Variants in ANKRD17 observed in about 807,000 individuals in gnomAD.
ANKRD17 encodes ankyrin repeat domain-containing protein 17.
In ANKRD17, 19 loss-of-function variants were observed where a neutral mutation model predicts 229.7. That is an observed-to-expected ratio of 0.08 (90% CI 0.06 to 0.12). The LOEUF is 0.12. ANKRD17 is among the 10% of genes least tolerant of loss of function. The pLI, the probability that ANKRD17 is intolerant of heterozygous loss-of-function variation, is 1.00. For missense variants in ANKRD17, 2,176 were observed against 3,176.8 expected, an observed-to-expected ratio of 0.68 and a Z score of 7.57; for synonymous variants, 1,112 against 1,146.1, an observed-to-expected ratio of 0.97 and a Z score of 0.60.
intron 25 of ANKRD17, among the ~76,000 whole-genome samples, chr4:73,099,569 C>T (rs1458923836): frequency 6.6e-6 from 1 of 152,188 alleles, no homozygotes; most frequent in Non-Finnish European, 1.5e-5. Context: ...GGGAGGATTC[C>T]CCTGGCCTTA....
intron 2 of ANKRD17, among the ~76,000 whole-genome samples, chr4:73,173,614 C>G (rs923912831): frequency 6.6e-5 from 10 of 152,196 alleles, no homozygotes; most frequent in African/African-American, 2.4e-4. Flanking sequence ...TTCTGCAAGA[C>G]AGTCAAATAA....
rs1578200747 is a variant in ANKRD17 at position 73,151,419 on chromosome 4, A to C, written c.1329+11T>G. The C allele has an allele frequency of 6.2e-7, 1 of 1,610,458 alleles. No homozygotes were observed. The highest frequency in any genetic ancestry group is 1.1e-5 in the South Asian group (1 of 90,386). ...TATATAAACATATTTGACATATTTCACCAATCTTACCATGCAAGCCTCCAT... is the reference window on the plus strand; with the variant it reads ...TATATAAACATATTTGACATATTTCCCCAATCTTACCATGCAAGCCTCCAT... On this transcript the variant is annotated intron_variant, in intron 7 of 33. Transcript: ENST00000358602.
At chr4:73,251,607 T>A (rs535670596) in intron 1 of ANKRD17, among the ~76,000 whole-genome samples, 1 of 148,214 alleles carries the variant, frequency 6.7e-6, no homozygotes, top group Admixed American at 6.7e-5. Flanking sequence ...CTCCTACTGG[T>A]CCTAACAAAA....
intron 1 of ANKRD17, among the ~76,000 whole-genome samples, chr4:73,200,210 T>C (rs544788375): frequency 7.9e-5 from 12 of 152,302 alleles, no homozygotes; most frequent in African/African-American, 2.4e-4. Context: ...AAATAAATCT[T>C]TACTCTCTTG....
At chr4:73,152,539 C>T (rs1578203559) in intron 6 of ANKRD17, among the ~76,000 whole-genome samples, 1 of 152,080 alleles carries the variant, frequency 6.6e-6, no homozygotes, top group African/African-American at 2.4e-5. Context: ...ATGTTCTCCA[C>T]CAGCTCAGTT....
chr4:73,102,256 C>A, intron 25 of ANKRD17, 120 bp downstream of exon 25: 1 of 1,044,804 alleles, frequency 9.6e-7, no homozygotes, highest in Non-Finnish European at 1.3e-6. Context: ...AGCCACTGTG[C>A]CTGGCCTATG....
intron 26 of ANKRD17, 23 bp downstream of exon 26, chr4:73,098,050 T>C (rs1560512654): frequency 6.4e-7 from 1 of 1,559,630 alleles, no homozygotes; most frequent in South Asian, 1.2e-5. Context: ...CTATAAATAT[T>C]GAAAATAAAA....
intron 2 of ANKRD17, among the ~76,000 whole-genome samples, chr4:73,176,766 C>T (rs758020925): frequency 1.8e-4 from 27 of 152,262 alleles, no homozygotes; most frequent in African/African-American, 5.3e-4. Flanking sequence ...ATGGATAGCC[C>T]ATTTACCCTG....
intron 21 of ANKRD17, among the ~76,000 whole-genome samples, chr4:73,119,179 C>A (rs1451092197): frequency 6.6e-6 from 1 of 152,032 alleles, no homozygotes; most frequent in African/African-American, 2.4e-5. Flanking sequence ...TGTCACCACA[C>A]CTAGCCTAGC....
chr4:73,251,783 G>C (rs1460071072), intron 1 of ANKRD17, among the ~76,000 whole-genome samples: 1 of 152,060 alleles, frequency 6.6e-6, no homozygotes, highest in African/African-American at 2.4e-5. Flanking sequence ...TGTCATAAAT[G>C]CAACTGCACT....
chr4:73,091,256 C>T lies in ANKRD17; in HGVS notation c.6372G>A (p.Gln2124=), dbSNP rs1383518217. ...SVSQEPRPPL[Q]QSQVPPPEVR... Reference sequence around the variant, plus strand: ...CTTCCGGGGGAGGAACCTGAGACTGCTGAAGAGGTGGTCTTGGTTCCTGAG... The same window carrying T: ...CTTCCGGGGGAGGAACCTGAGACTGTTGAAGAGGTGGTCTTGGTTCCTGAG... Residue 2124 remains glutamine (Q), a synonymous_variant, in exon 29 of 34, where the codon CAG becomes CAA. Coordinates refer to ENST00000358602, the MANE Select transcript of ANKRD17 (RefSeq NM_032217.5). The T allele has an allele frequency of 1.9e-6, 3 of 1,614,050 alleles. No homozygotes were observed. Among genetic ancestry groups the T allele is most frequent in the African/African-American group, 2.7e-5 (2 of 74,908 alleles).
intron 18 of ANKRD17, among the ~76,000 whole-genome samples, chr4:73,122,505 C>A (rs1056480062): frequency 3.9e-5 from 6 of 152,106 alleles, no homozygotes; most frequent in African/African-American, 1.4e-4. Context: ...TACTGATGGG[C>A]CATTCACAGA....
rs768020778 is a variant in ANKRD17, at chr4:73,141,746, T to C, written c.2327A>G (p.Asn776Ser). 7.4e-6 allele frequency: 12 copies of C among 1,613,282 alleles called. No homozygotes were observed. Among genetic ancestry groups the C allele is most frequent in the Middle Eastern group, 3.3e-4 (2 of 6,060 alleles). ...ANVATTLPIR[N>S]KAASKQKSSS... ...TCTTTAGAAGTATAACTGACCTTTA[T>C]TCCTGATGGGAAGAGTGGTGGCAAC... is the stretch of plus-strand genomic sequence containing the variant. Residue 776 changes from asparagine (N) to serine (S), a missense_variant, in exon 14 of 34, where the codon AAT (asparagine) becomes AGT (serine). Coordinates refer to ENST00000358602, the MANE Select transcript of ANKRD17 (RefSeq NM_032217.5).
chr4:73,109,679 T>G (rs1004324080), intron 24 of ANKRD17, among the ~76,000 whole-genome samples: 2 of 152,162 alleles, frequency 1.3e-5, no homozygotes, highest in African/African-American at 4.8e-5. Flanking sequence ...TAGGGAAATC[T>G]AGTAAAGCTA....
intron 1 of ANKRD17, among the ~76,000 whole-genome samples, chr4:73,240,644 A>C (rs994385227): frequency 6.6e-6 from 1 of 151,988 alleles, no homozygotes; most frequent in Non-Finnish European, 1.5e-5. Flanking sequence ...TAGAATTTAA[A>C]AAAACACATA....
At chr4:73,079,461 T>C (rs982631140) in intron 30 of ANKRD17, among the ~76,000 whole-genome samples, 2 of 152,106 alleles carry the variant, frequency 1.3e-5, no homozygotes, top group African/African-American at 4.8e-5. Context: ...GGCTCGATCA[T>C]AACTCACTGC....
At chr4:73,101,664 CA>C (rs71215484) in intron 25 of ANKRD17, among the ~76,000 whole-genome samples, 5 of 111,464 alleles carry the variant, frequency 4.5e-5, no homozygotes, top group African/African-American at 7.0e-5. Flanking sequence ...GACTCGGTCT[CA>C]AAAAAAAAAA....
chr4:73,251,408 G>T (rs1745009173), intron 1 of ANKRD17, among the ~76,000 whole-genome samples: 1 of 152,110 alleles, frequency 6.6e-6, no homozygotes, highest in Admixed American at 6.5e-5. Context: ...GTCAGAAAGG[G>T]TATTTTGCTT....
At chr4:73,098,711 G>C in intron 25 of ANKRD17, 191 bp from the exon 26 acceptor site, 1 of 887,516 alleles carries the variant, frequency 1.1e-6, no homozygotes, top group South Asian at 1.4e-5. Context: ...TCTGTTCAAA[G>C]AATAGCAGGT....
Sources: allele counts gnomAD v4.1 joint callset (sites outside exome capture counted in the v4.1 genomes callset), GRCh38; gene constraint gnomAD v4.1.1; transcripts MANE v1.5; gene names NCBI Gene and HGNC (gene_info 2026-07-23, HGNC 2026-07-21).